AACS: variants seen among roughly 807,000 people sequenced by gnomAD.
AACS encodes the protein acetoacetyl-CoA synthetase.
In AACS, 69 loss-of-function variants were observed where a neutral mutation model predicts 83.1. That is an observed-to-expected ratio of 0.83 (90% confidence interval 0.68 to 1.01). The LOEUF is 1.01. Among genes scored for constraint, AACS ranks in the 50% least tolerant of loss-of-function variants. AACS has a pLI of 0.00. For synonymous variants in AACS, 333 were observed against 343.4 expected (o/e 0.97, Z 0.33); for missense variants, 866 against 882.2 (o/e 0.98, Z 0.23).
At chr12:125,089,499 T>A (rs1250708450) in intron 4 of AACS, among the ~76,000 whole-genome samples, 1 of 152,168 alleles carries the variant, frequency 6.6e-6, no homozygotes, top group Non-Finnish European at 1.5e-5. Context: ...TAATTGATCA[T>A]AGTCTCTGTG....
intron 16 of AACS, among the ~76,000 whole-genome samples, chr12:125,135,627 A>T (rs1957390822): frequency 6.6e-6 from 1 of 152,222 alleles, no homozygotes; most frequent in Non-Finnish European, 1.5e-5. Flanking sequence ...TGCTTAGGTC[A>T]GAGTCCTAAA....
intron 3 of AACS, among the ~76,000 whole-genome samples, chr12:125,084,578 A>ATT (rs35996407): frequency 2.1e-5 from 3 of 140,158 alleles, no homozygotes; most frequent in Admixed American, 7.2e-5. Context: ...TAGTTTTTAA[A>ATT]TTTTTTTTTT....
chr12:125,101,169 G>T (rs1956700892), intron 5 of AACS: 1 of 152,246 alleles, frequency 6.6e-6, no homozygotes, highest in Non-Finnish European at 1.5e-5. Context: ...CAGGAGGGAA[G>T]TGAATAGAAG....
chr12:125,080,836 C>T (rs940386904), intron 3 of AACS, among the ~76,000 whole-genome samples: 36 of 151,664 alleles, frequency 2.4e-4, no homozygotes, highest in African/African-American at 7.3e-4. Flanking sequence ...GGACTACAGG[C>T]GCCCGCCACC....
intron 4 of AACS, among the ~76,000 whole-genome samples, chr12:125,087,518 C>G (rs1030225000): frequency 2.6e-5 from 4 of 152,160 alleles, no homozygotes; most frequent in African/African-American, 9.7e-5. Context: ...CCAGTGCAGC[C>G]CTGGTGGTTG....
intron 8 of AACS, 192 bp from the exon 9 acceptor site, chr12:125,114,273 CTCTTGGGGGAGA>C (rs1296973179): frequency 6.6e-6 from 3 of 454,606 alleles, no homozygotes; most frequent in Non-Finnish European, 1.2e-5. Flanking sequence ...CCACGCTCAG[CTCTTGGGGGAGA>C]GGGACATGGG....
intron 1 of AACS, among the ~76,000 whole-genome samples, chr12:125,070,808 T>A (rs1955841437): frequency 1.3e-5 from 2 of 152,204 alleles, no homozygotes; most frequent in Non-Finnish European, 2.9e-5. Flanking sequence ...TAAGACTTTG[T>A]AGCTGTAGGC....
intron 9 of AACS, 45 bp from the exon 10 acceptor site, chr12:125,118,596 A>G: frequency 6.2e-7 from 1 of 1,607,932 alleles, no homozygotes; most frequent in Middle Eastern, 1.7e-4. Flanking sequence ...CGCTGGGGGG[A>G]GCTGCCTAGC....
intron 15 of AACS, among the ~76,000 whole-genome samples, 155 bp from the exon 16 acceptor site, chr12:125,134,639 C>T (rs1411951973): frequency 1.3e-5 from 2 of 152,078 alleles, no homozygotes; most frequent in African/African-American, 2.4e-5. Flanking sequence ...GAGAAAGAGC[C>T]GGGTGGTAGG....
intron 10 of AACS, chr12:125,124,135 G>T (rs934391313): frequency 6.6e-6 from 1 of 152,610 alleles, no homozygotes; most frequent in Non-Finnish European, 1.5e-5. Flanking sequence ...AACATAGCAA[G>T]ACCCTGTCTC....
chr12:125,070,678 C>A (rs948496418), intron 1 of AACS, among the ~76,000 whole-genome samples: 1 of 152,162 alleles, frequency 6.6e-6, no homozygotes, highest in Non-Finnish European at 1.5e-5. Context: ...CTCTGTATGT[C>A]GGGCTCCATC....
At chr12:125,077,647 A>G (rs2136045336) in intron 3 of AACS, among the ~76,000 whole-genome samples, 1 of 152,322 alleles carries the variant, frequency 6.6e-6, no homozygotes, top group South Asian at 2.1e-4. Context: ...TAATCATGGA[A>G]ATAAGGCCAA....
chr12:125,119,108 G>A (rs761545751), intron 10 of AACS, among the ~76,000 whole-genome samples: 6 of 152,190 alleles, frequency 3.9e-5, no homozygotes, highest in Non-Finnish European at 5.9e-5. Flanking sequence ...AAGGCACGCG[G>A]CATGGTATTT....
In AACS at chr12:125,065,556, C is replaced by T. The variant is rs1205733898; in HGVS notation, c.-29C>T. 6.7e-7 allele frequency: 1 copy of T among 1,492,470 alleles called. No homozygotes were observed. Among genetic ancestry groups the T allele is most frequent in the East Asian group, 2.9e-5 (1 of 34,752 alleles). 92.5% of individuals were successfully genotyped at this position (1,492,470 alleles called of 1,614,324 possible). A position where few individuals can be genotyped will look rare whatever the true frequency, so the allele number is the denominator to read the frequency against. On this transcript the variant is annotated 5_prime_UTR_variant, in exon 1 of 18. Coordinates refer to ENST00000316519, the MANE Select transcript of AACS (RefSeq NM_023928.5). ...GCCCCGGCCCCTGGTCCCCAGCCCT[C>T]GTCGCAGCCCCGGCCGCCCGCCGCC...
At chr12:125,118,438 A>C (rs919489191) in intron 9 of AACS, 6 of 620,408 alleles carry the variant, frequency 9.7e-6, no homozygotes, top group Non-Finnish European at 1.6e-5. Context: ...ACACATCTTC[A>C]TGCACATGTG....
intron 7 of AACS, among the ~76,000 whole-genome samples, chr12:125,106,185 C>T (rs1351124373): frequency 1.3e-5 from 2 of 152,236 alleles, no homozygotes; most frequent in Non-Finnish European, 2.9e-5. Flanking sequence ...CCACCTCCTT[C>T]CCTGAGAGAA....
At chr12:125,090,270 T>C (rs111366176) in intron 4 of AACS, among the ~76,000 whole-genome samples, 119 of 6,094 alleles carry the variant, frequency 0.02, no homozygotes, top group Middle Eastern at 0.056. Flanking sequence ...TCCATCCATC[T>C]TCCATTTATC....
intron 3 of AACS, among the ~76,000 whole-genome samples, chr12:125,082,220 G>A (rs1473398642): frequency 6.7e-6 from 1 of 149,228 alleles, no homozygotes; most frequent in East Asian, 2.0e-4. Flanking sequence ...TGCCCAGATT[G>A]GAGTGCAGTG....
At chr12:125,067,286 A>G (rs1443771713) in intron 1 of AACS, among the ~76,000 whole-genome samples, 2 of 152,098 alleles carry the variant, frequency 1.3e-5, no homozygotes, top group Admixed American at 6.5e-5. Context: ...GTAAATGAGT[A>G]TGTGTTGGAT....
Sources: gnomAD v4.1 joint callset for allele counts (sites outside exome capture counted in the v4.1 genomes callset) on GRCh38, gnomAD v4.1.1 for gene constraint, MANE v1.5 for transcripts, NCBI Gene and HGNC (gene_info 2026-07-23, HGNC 2026-07-21) for gene names.